Variants in CSMD1 observed in about 807,000 individuals in gnomAD.
The protein encoded by CSMD1 is CUB and Sushi multiple domains 1.
Under a neutral mutation model 417.5 loss-of-function variants are expected in CSMD1, and 213 were observed. That is an observed-to-expected ratio of 0.51 (90% confidence interval 0.46 to 0.57). The LOEUF (loss-of-function observed/expected upper bound fraction) is 0.57, where lower values mean the gene tolerates loss of function less well. Among genes scored for constraint, CSMD1 ranks in the 20% least tolerant of loss-of-function variants. The pLI is 0.00. For synonymous variants in CSMD1, 2,862 were observed against 1,736.8 expected (o/e 1.65, Z -16.11); for missense variants, 6,923 against 4,529.7 (o/e 1.53, Z -15.17).
chr8:3,231,775 C>T (rs1403139609), intron 26 of CSMD1, among the ~76,000 whole-genome samples: 2 of 152,136 alleles, frequency 1.3e-5, no homozygotes, highest in Admixed American at 6.5e-5. Context: ...CAAATCCCAT[C>T]AGGACTTAAT....
At chr8:3,856,416 C>T (rs1482587566) in intron 5 of CSMD1, among the ~76,000 whole-genome samples, 1 of 152,138 alleles carries the variant, frequency 6.6e-6, no homozygotes, top group Non-Finnish European at 1.5e-5. Flanking sequence ...TCTGCTACTT[C>T]TTTATAGCAA....
chr8:3,811,943 G>C (rs1245071933), intron 5 of CSMD1, among the ~76,000 whole-genome samples: 1 of 152,254 alleles, frequency 6.6e-6, no homozygotes, highest in East Asian at 1.9e-4. Context: ...GTCCTGGAAA[G>C]GCTTTTGTTT....
At chr8:3,323,103 C>G (rs1007872578) in intron 23 of CSMD1, among the ~76,000 whole-genome samples, 1 of 152,166 alleles carries the variant, frequency 6.6e-6, no homozygotes, top group Non-Finnish European at 1.5e-5. Context: ...ATTTATCTTT[C>G]CACCTCTAAC....
chr8:3,557,198 T>C (rs1238587871), intron 10 of CSMD1, among the ~76,000 whole-genome samples: 2 of 152,232 alleles, frequency 1.3e-5, no homozygotes. Context: ...GTTTTGTTTC[T>C]CTGGATATGT....
chr8:4,550,739 T>C (rs1797835910), intron 2 of CSMD1, among the ~76,000 whole-genome samples: 1 of 152,156 alleles, frequency 6.6e-6, no homozygotes, highest in Non-Finnish European at 1.5e-5. Context: ...TTAAAATCAA[T>C]CTTAACAACT....
intron 57 of CSMD1, among the ~76,000 whole-genome samples, chr8:2,971,798 G>T (rs932970443): frequency 6.6e-6 from 1 of 152,112 alleles, no homozygotes; most frequent in African/African-American, 2.4e-5. Context: ...GTATGATCCT[G>T]CAATTCGTGA....
chr8:3,763,651 T>C (rs1429298032), intron 5 of CSMD1, among the ~76,000 whole-genome samples: 8 of 152,136 alleles, frequency 5.3e-5, no homozygotes, highest in Non-Finnish European at 1.2e-4. Flanking sequence ...AGTATTCCTA[T>C]ATAGCACTGC....
At chr8:3,722,404 A>C (rs2129044853) in intron 6 of CSMD1, among the ~76,000 whole-genome samples, 1 of 152,366 alleles carries the variant, frequency 6.6e-6, no homozygotes, top group African/African-American at 2.4e-5. Flanking sequence ...AGTAGCTAAG[A>C]AATCAACATA....
chr8:3,537,361 T>C (rs1369323884), intron 10 of CSMD1, among the ~76,000 whole-genome samples: 2 of 152,184 alleles, frequency 1.3e-5, no homozygotes, highest in African/African-American at 4.8e-5. Context: ...TTTATTGTTG[T>C]TTAGTGTACT....
chr8:3,637,790 A>G (rs75733006), intron 7 of CSMD1, among the ~76,000 whole-genome samples: 2,595 of 152,262 alleles, frequency 0.017, 42 homozygotes, highest in South Asian at 0.048. Flanking sequence ...ACATCTTGGG[A>G]GGGACCCAGT....
At chr8:4,441,119 AAG>A (rs1417485153) in intron 2 of CSMD1, among the ~76,000 whole-genome samples, 6 of 4,936 alleles carry the variant, frequency 1.2e-3, no homozygotes, top group Non-Finnish European at 2.0e-3. Context: ...TTTTTTTTTT[AAG>A]AGATAGGGTC....
chr8:4,322,855 G>C (rs2174358), intron 3 of CSMD1, among the ~76,000 whole-genome samples: 58,506 of 152,020 alleles, frequency 0.38, 12,974 homozygotes, highest in East Asian at 0.65. Flanking sequence ...AAATTAGCCA[G>C]GCTTTTGTAG....
chr8:3,039,365 T>C (rs1427216825), intron 50 of CSMD1, among the ~76,000 whole-genome samples: 1 of 136,444 alleles, frequency 7.3e-6, no homozygotes, highest in Non-Finnish European at 1.5e-5. Context: ...CTTCCTCCTT[T>C]ACTTTCCTTT....
intron 1 of CSMD1, among the ~76,000 whole-genome samples, chr8:4,882,245 C>T (rs947281331): frequency 6.6e-6 from 1 of 151,838 alleles, no homozygotes; most frequent in Non-Finnish European, 1.5e-5. Flanking sequence ...TCTACGTGCC[C>T]TGAGGGTGGA....
intron 3 of CSMD1, among the ~76,000 whole-genome samples, chr8:4,334,454 A>T (rs1377337058): frequency 1.3e-5 from 2 of 152,148 alleles, no homozygotes; most frequent in African/African-American, 2.4e-5. Flanking sequence ...AGACTGCAAC[A>T]TCAAACTCCT....
intron 3 of CSMD1, among the ~76,000 whole-genome samples, chr8:4,097,687 G>A (rs78458868): frequency 1.6e-3 from 245 of 152,262 alleles, no homozygotes; most frequent in Middle Eastern, 3.4e-3. Flanking sequence ...GTGAATTTTA[G>A]CCCTTGGAAT....
rs56272726 is a variant in CSMD1, at chr8:3,709,680, G to GTTTTTTTT, written c.932-1197_932-1190dup. Among the ~76,000 whole-genome samples the GTTTTTTTT allele has an allele frequency of 4.5e-3, 151 of 33,666 alleles. 19 individuals are homozygous for GTTTTTTTT. Among genetic ancestry groups the GTTTTTTTT allele is most frequent in the Non-Finnish European group, 5.8e-3 (102 of 17,520 alleles). 22.1% of individuals were successfully genotyped at this position (33,666 alleles called of 152,430 possible). ...GATGGGCTTTAAATTGCAGCAGCATGTTTTTTTTTTTTTTTTTTTTTTTTT... is the reference window on the plus strand; with the variant it reads ...GATGGGCTTTAAATTGCAGCAGCATGTTTTTTTTTTTTTTTTTTTTTTTTTTTTTTTTT... On this transcript the variant is annotated intron_variant, in intron 6 of 69. Coordinates refer to ENST00000635120, the MANE Select transcript of CSMD1 (RefSeq NM_033225.6).
intron 2 of CSMD1, among the ~76,000 whole-genome samples, chr8:4,462,327 A>C (rs1017156782): frequency 6.6e-6 from 1 of 152,346 alleles, no homozygotes; most frequent in African/African-American, 2.4e-5. Context: ...AAAAACTATA[A>C]GTGTTTAAAG....
chr8:4,533,248 G>C (rs551224476), intron 2 of CSMD1, among the ~76,000 whole-genome samples: 15 of 152,330 alleles, frequency 9.8e-5, no homozygotes, highest in African/African-American at 3.4e-4. Flanking sequence ...CAAGAAGCAA[G>C]ACTTTGGTAG....
Sources: allele counts gnomAD v4.1 joint callset (sites outside exome capture counted in the v4.1 genomes callset), GRCh38; gene constraint gnomAD v4.1.1; transcripts MANE v1.5; gene names NCBI Gene and HGNC (gene_info 2026-07-23, HGNC 2026-07-21).